Variants in DAB1 observed in about 807,000 individuals in gnomAD.
DAB1 encodes disabled homolog 1.
Under a neutral mutation model 64.6 loss-of-function variants are expected in DAB1, and 15 were observed. The observed-to-expected ratio is 0.23, with a 90% CI of 0.16 to 0.36. The LOEUF (loss-of-function observed/expected upper bound fraction) is 0.36. Ranked by LOEUF, DAB1 falls within the 10% of genes least tolerant of loss-of-function variation. The pLI, the probability that DAB1 is intolerant of heterozygous loss-of-function variation, is 1.00. For missense variants in DAB1, 596 were observed against 706.7 expected (o/e 0.84, Z 1.78); for synonymous variants, 235 against 251.9 (o/e 0.93, Z 0.64).
intron 1 of DAB1, among the ~76,000 whole-genome samples, chr1:57,872,919 T>G (rs564745499): frequency 6.6e-6 from 1 of 152,306 alleles, no homozygotes; most frequent in African/African-American, 2.4e-5. Context: ...TGATTGGGCC[T>G]GGATAGTTTC....
At chr1:57,360,321 GT>G (rs1679447514) in intron 1 of DAB1, among the ~76,000 whole-genome samples, 1 of 152,066 alleles carries the variant, frequency 6.6e-6, no homozygotes, top group African/African-American at 2.4e-5. Context: ...AAAAGGAGGG[GT>G]TAAAACAAAC....
chr1:57,598,337 A>G (rs1286339834), intron 7 of DAB1, among the ~76,000 whole-genome samples: 1 of 152,256 alleles, frequency 6.6e-6, no homozygotes, highest in East Asian at 1.9e-4. Flanking sequence ...CAGACCACAG[A>G]TAATCCTGAC....
chr1:57,206,535 G>C (rs1665552955), intron 2 of DAB1, among the ~76,000 whole-genome samples: 1 of 152,174 alleles, frequency 6.6e-6, no homozygotes, highest in African/African-American at 2.4e-5. Flanking sequence ...CCTCCTCGCT[G>C]TCTCTTCCCA....
chr1:58,220,927 A>AGTGCAGTTAT (rs761599475), intron 4 of DAB1, among the ~76,000 whole-genome samples: 2 of 151,796 alleles, frequency 1.3e-5, no homozygotes, highest in East Asian at 3.9e-4. Context: ...TTTTGCAAAC[A>AGTGCAGTTAT]GTGCAGTTAT....
At chr1:57,167,764 G>A (rs1265437101) in intron 2 of DAB1, among the ~76,000 whole-genome samples, 1 of 152,154 alleles carries the variant, frequency 6.6e-6, no homozygotes, top group Non-Finnish European at 1.5e-5. Flanking sequence ...AAGTTAAAGT[G>A]TAGTCACCGT....
At chr1:58,460,185 T>C (rs1408294698) in intron 3 of DAB1, among the ~76,000 whole-genome samples, 1 of 151,942 alleles carries the variant, frequency 6.6e-6, no homozygotes, top group Non-Finnish European at 1.5e-5. Context: ...AGTCTAGGCA[T>C]ATATATATAC....
At chr1:57,282,205 A>AC in intron 2 of DAB1, among the ~76,000 whole-genome samples, 1 of 101,500 alleles carries the variant, frequency 9.9e-6, no homozygotes, top group Admixed American at 1.3e-4. Flanking sequence ...AAAAAAAAAA[A>AC]AAAAAAACAG....
In DAB1 at chr1:57,577,725, T is replaced by C. The variant is rs370567157; in HGVS notation, n.625+71867A>G. 5.3e-5 allele frequency among the ~76,000 whole-genome samples: 8 copies of C among 152,280 alleles called. No homozygotes were observed. The South Asian group carries it at 1.2e-3, about 24-fold the overall frequency. Reference sequence around the variant, plus strand: ...GCAGATTCCTGAGCTCCACAAAACCTGCTGAATCCAAATTTCTGAGGGCAG... The same window carrying C: ...GCAGATTCCTGAGCTCCACAAAACCCGCTGAATCCAAATTTCTGAGGGCAG... On this transcript the variant is annotated intron_variant and non_coding_transcript_variant, in intron 7 of 20. Coordinates refer to the DAB1 transcript ENST00000485760.
At chr1:57,895,475 T>C (rs1257384314) in intron 5 of DAB1, among the ~76,000 whole-genome samples, 1 of 152,182 alleles carries the variant, frequency 6.6e-6, no homozygotes, top group Non-Finnish European at 1.5e-5. Flanking sequence ...CAACCATTAG[T>C]GTATTGTGTA....
intron 3 of DAB1, among the ~76,000 whole-genome samples, chr1:58,466,075 CA>C (rs2100321120): frequency 6.6e-6 from 1 of 152,276 alleles, no homozygotes; most frequent in South Asian, 2.1e-4. Context: ...GCGGTCCCCA[CA>C]ACTGCTTTCC....
chr1:58,524,575 G>A, intron 2 of DAB1, among the ~76,000 whole-genome samples: 1 of 152,226 alleles, frequency 6.6e-6, no homozygotes, highest in South Asian at 2.1e-4. Flanking sequence ...TTTCATGCTT[G>A]CTGGTAGAGT....
At chr1:57,843,405 C>T (rs975215934) in intron 1 of DAB1, among the ~76,000 whole-genome samples, 21 of 152,168 alleles carry the variant, frequency 1.4e-4, no homozygotes, top group South Asian at 2.1e-4. Context: ...AGTCACTTCT[C>T]TGAGCTTCAG....
intron 3 of DAB1, among the ~76,000 whole-genome samples, chr1:58,452,902 C>T (rs1182822485): frequency 6.6e-6 from 1 of 151,474 alleles, no homozygotes; most frequent in Non-Finnish European, 1.5e-5. Context: ...GCTCAGCAGT[C>T]CCATTCCTAG....
At chr1:57,144,794 C>T (rs1046371424) in intron 3 of DAB1, among the ~76,000 whole-genome samples, 2 of 151,958 alleles carry the variant, frequency 1.3e-5, no homozygotes, top group African/African-American at 4.8e-5. Context: ...TCATGATATC[C>T]CCAAATCCCA....
At chr1:57,253,355 C>G (rs180962712) in intron 2 of DAB1, among the ~76,000 whole-genome samples, 2 of 152,278 alleles carry the variant, frequency 1.3e-5, no homozygotes, top group Admixed American at 6.5e-5. Flanking sequence ...TCCAGCCCAG[C>G]TTTGCCAGAC....
In DAB1 at chr1:57,761,726, C is replaced by T. The variant is rs577064898; in HGVS notation, n.552-112061G>A. Among the ~76,000 whole-genome samples the T allele has an allele frequency of 2.0e-5, 3 of 152,324 alleles. No individual in the cohort carries two copies. The South Asian group carries it at 6.2e-4, about 32-fold the overall frequency. On this transcript the variant is annotated intron_variant and non_coding_transcript_variant, in intron 6 of 20. Coordinates refer to the DAB1 transcript ENST00000485760. ...ACACAACGGACCAGAGTCAAGTCAACCCAGGTTTGTCCCTGCCCTTGGCAT... is the reference window on the plus strand; with the variant it reads ...ACACAACGGACCAGAGTCAAGTCAATCCAGGTTTGTCCCTGCCCTTGGCAT...
At chr1:57,590,276 T>A (rs1365727343) in intron 7 of DAB1, among the ~76,000 whole-genome samples, 1 of 152,046 alleles carries the variant, frequency 6.6e-6, no homozygotes, top group Non-Finnish European at 1.5e-5. Flanking sequence ...CTGAACCTTA[T>A]GATCTTACTT....
intron 5 of DAB1, among the ~76,000 whole-genome samples, chr1:58,010,146 G>A (rs981908191): frequency 5.9e-5 from 9 of 152,092 alleles, no homozygotes; most frequent in African/African-American, 2.2e-4. Context: ...GAACAGGCCT[G>A]ACTTTTTCAT....
At chr1:57,643,270 C>A (rs1005035314) in intron 7 of DAB1, among the ~76,000 whole-genome samples, 1 of 152,128 alleles carries the variant, frequency 6.6e-6, no homozygotes, top group Non-Finnish European at 1.5e-5. Context: ...CATGGATACC[C>A]TCTGCTTGAG....
Sources: gnomAD v4.1 joint callset for allele counts (sites outside exome capture counted in the v4.1 genomes callset) on GRCh38, gnomAD v4.1.1 for gene constraint, MANE v1.5 for transcripts, NCBI Gene and HGNC (gene_info 2026-07-23, HGNC 2026-07-21) for gene names.